The following C8orf74 variants were observed in gnomAD, a reference collection of about 807,000 sequenced individuals.
The protein encoded by C8orf74 is uncharacterized protein C8orf74.
In C8orf74, 29 loss-of-function variants were observed where a neutral mutation model predicts 22.2. The ratio of observed to expected loss-of-function variants is 1.31; its 90% CI spans 0.97 to 1.78. The LOEUF (loss-of-function observed/expected upper bound fraction) is 1.78. C8orf74 is among the 40% of genes most tolerant of loss of function. The pLI, the probability that C8orf74 is intolerant of heterozygous loss-of-function variation, is 0.00. For missense variants in C8orf74, 515 were observed against 369.9 expected (o/e 1.39, Z -3.22); for synonymous variants, 255 against 163.1 (o/e 1.56, Z -4.30).
At chr8:10,686,748 C>A in intron 2 of C8orf74, 1 of 158,368 alleles carries the variant, frequency 6.3e-6, no homozygotes, top group South Asian at 1.8e-4. Context: ...GAAGTCTGGC[C>A]CATCTAGCAG....
At chr8:10,682,040 G>C (rs911055871) in intron 2 of C8orf74, among the ~76,000 whole-genome samples, 1 of 152,198 alleles carries the variant, frequency 6.6e-6, no homozygotes, top group South Asian at 2.1e-4. Context: ...CCATGCCCAC[G>C]GTCTGCCCGG....
intron 2 of C8orf74, among the ~76,000 whole-genome samples, chr8:10,676,278 TG>T (rs1799030579): frequency 6.6e-6 from 1 of 152,144 alleles, no homozygotes; most frequent in Admixed American, 6.5e-5. Context: ...TGCACGAGGC[TG>T]TGTCTCTCAC....
chr8:10,697,360 G>A (rs1489813365), intron 2 of C8orf74, among the ~76,000 whole-genome samples: 2 of 152,166 alleles, frequency 1.3e-5, no homozygotes, highest in Non-Finnish European at 2.9e-5. Context: ...TCTTGAGCCT[G>A]GAAGTTGGCG....
chr8:10,680,529 G>T (rs1025860880), intron 2 of C8orf74, among the ~76,000 whole-genome samples: 4 of 152,182 alleles, frequency 2.6e-5, no homozygotes, highest in African/African-American at 7.2e-5. Flanking sequence ...CATGGTTCAG[G>T]GCAAGAAGGA....
At chr8:10,685,828 G>C (rs1799251430) in intron 2 of C8orf74, among the ~76,000 whole-genome samples, 1 of 152,240 alleles carries the variant, frequency 6.6e-6, no homozygotes, top group African/African-American at 2.4e-5. Flanking sequence ...CCAGCACTTT[G>C]GGAGGCTGAG....
intron 2 of C8orf74, among the ~76,000 whole-genome samples, chr8:10,690,625 C>G (rs892358057): frequency 1.6e-4 from 24 of 152,162 alleles, no homozygotes; most frequent in Non-Finnish European, 2.5e-4. Context: ...TCCACCCGCT[C>G]AGGCACACCC....
At chr8:10,698,901 C>CACCA (rs1554470269) in intron 3 of C8orf74, among the ~76,000 whole-genome samples, 8 of 137,628 alleles carry the variant, frequency 5.8e-5, no homozygotes, top group East Asian at 4.2e-4. Context: ...TACACACACA[C>CACCA]CACACACACA....
At chr8:10,690,130 C>T (rs554425727) in intron 2 of C8orf74, among the ~76,000 whole-genome samples, 14 of 152,302 alleles carry the variant, frequency 9.2e-5, no homozygotes, top group Non-Finnish European at 2.1e-4. Flanking sequence ...ACCCCAAAGC[C>T]GCTTGGAGCT....
At chr8:10,698,456 A>C (rs942363055) in intron 3 of C8orf74, among the ~76,000 whole-genome samples, 2 of 152,048 alleles carry the variant, frequency 1.3e-5, no homozygotes, top group Non-Finnish European at 2.9e-5. Flanking sequence ...CAGCTTGGGG[A>C]GGGTCATGTG....
Position 10,697,896 on chromosome 8 carries a change from C to T in C8orf74, c.539C>T (p.Ala180Val). 1 of 1,609,092 alleles carries T rather than the reference C, an allele frequency of 6.2e-7. No homozygotes were observed. Among genetic ancestry groups the T allele is most frequent in the Admixed American group, 1.7e-5 (1 of 59,868 alleles). Residue 180 changes from alanine to valine, a missense_variant, in exon 3 of 4, where the codon GCC (alanine) becomes GTC (valine). Ala to Val is a moderately conservative substitution (Grantham distance 64, BLOSUM62 0). Transcript: ENST00000304519. ...TLTEAEAQKR[A>V]DVLLLKEALR... is the part of the protein sequence containing the mutation. ...ACGGAGGCCGAGGCACAGAAGCGCG[C>T]CGACGTGCTGCTCCTGAAAGAGGCG...
intron 2 of C8orf74, among the ~76,000 whole-genome samples, chr8:10,682,829 A>G (rs543442001): frequency 5.3e-5 from 8 of 152,340 alleles, no homozygotes; most frequent in Non-Finnish European, 1.0e-4. Flanking sequence ...GCAAGAGACT[A>G]TCCGTCCCAC....
rs757357358 is a variant in C8orf74 at position 10,697,636 on chromosome 8, C to A, written c.279C>A (p.Asn93Lys). The A allele has an allele frequency of 6.2e-6, 10 of 1,613,966 alleles. No homozygotes were observed. The Admixed American group carries it at 1.7e-4, about 27-fold the overall frequency. Residue 93 changes from asparagine to lysine, a missense_variant, in exon 3 of 4, where the codon AAC (asparagine) becomes AAA (lysine). Asn to Lys is a moderately conservative substitution (Grantham distance 94, BLOSUM62 0). Transcript: ENST00000304519. ...SITEAVTILGNKLRDYRGHFN... is the reference protein window; with the variant it reads ...SITEAVTILGKKLRDYRGHFN... ...CTGAGGCTGTGACGATCCTGGGGAA[C>A]AAGCTTAGAGATTACCGGGGCCATT... is the stretch of plus-strand genomic sequence containing the variant.
intron 2 of C8orf74, among the ~76,000 whole-genome samples, chr8:10,678,416 A>G (rs146137160): frequency 3.9e-5 from 6 of 152,278 alleles, no homozygotes; most frequent in Non-Finnish European, 8.8e-5. Flanking sequence ...TCGAGGGAGC[A>G]GGATGTGATC....
At chr8:10,688,122 T>C (rs921611867) in intron 2 of C8orf74, among the ~76,000 whole-genome samples, 1 of 151,228 alleles carries the variant, frequency 6.6e-6, no homozygotes, top group Admixed American at 6.6e-5. Context: ...GGAGGATCAC[T>C]TGAACGTGGG....
chr8:10,696,886 G>A (rs547941568), intron 2 of C8orf74, among the ~76,000 whole-genome samples: 1 of 151,824 alleles, frequency 6.6e-6, no homozygotes, highest in South Asian at 2.1e-4. Context: ...CTGGCCAGGT[G>A]TGGTGGTTCA....
At chr8:10,683,564 A>C (rs1320711476) in intron 2 of C8orf74, among the ~76,000 whole-genome samples, 1 of 152,186 alleles carries the variant, frequency 6.6e-6, no homozygotes, top group African/African-American at 2.4e-5. Context: ...GATGACCATG[A>C]GGATGACCAG....
rs780870166 is a variant in C8orf74 at position 10,700,320 on chromosome 8, T to C, written c.734T>C (p.Phe245Ser). The C allele has an allele frequency of 1.9e-6, 3 of 1,613,744 alleles. No individual in the cohort carries two copies. In the Admixed American group the frequency reaches 5.0e-5, roughly 27 times the overall value. Residue 245 changes from phenylalanine to serine, a missense_variant, in exon 4 of 4, where the codon TTC becomes TCC. Coordinates refer to ENST00000304519, the MANE Select transcript of C8orf74 (RefSeq NM_001040032.2). Reference protein sequence around the residue: ...ELLQRQIQNTFAILDLKLQKK... With the variant: ...ELLQRQIQNTSAILDLKLQKK... ...CTGCAGCGCCAGATCCAGAACACAT[T>C]CGCCATCTTGGACCTGAAGCTTCAG...
chr8:10,691,017 C>T (rs1266629667), intron 2 of C8orf74: 3 of 442,134 alleles, frequency 6.8e-6, no homozygotes, highest in African/African-American at 6.0e-5. Context: ...GACTTAATCC[C>T]TCCACTTTCT....
chr8:10,679,546 C>T (rs942992182), intron 2 of C8orf74, among the ~76,000 whole-genome samples: 6 of 152,206 alleles, frequency 3.9e-5, no homozygotes, highest in African/African-American at 1.2e-4. Context: ...ATCCTCCATT[C>T]TCTCCTGTGC....
Sources: allele counts gnomAD v4.1 joint callset (sites outside exome capture counted in the v4.1 genomes callset), GRCh38; gene constraint gnomAD v4.1.1; transcripts MANE v1.5; gene names NCBI Gene and HGNC (gene_info 2026-07-23, HGNC 2026-07-21).